DNAH6: variants seen among roughly 807,000 people sequenced by gnomAD.
The protein encoded by DNAH6 is dynein axonemal heavy chain 6.
Under a neutral mutation model 491.4 loss-of-function variants are expected in DNAH6, and 340 were observed. That is an observed-to-expected ratio of 0.69 (90% CI 0.63 to 0.76). The LOEUF (loss-of-function observed/expected upper bound fraction) is 0.76, where lower values mean the gene tolerates loss of function less well. DNAH6 is among the 30% of genes least tolerant of loss of function. The probability of loss-of-function intolerance (pLI) is 0.00; values close to 1 mark genes in which losing one functional copy is unlikely to be tolerated. For synonymous variants in DNAH6, 1,603 were observed against 1,686.1 expected (o/e 0.95, Z 1.21); for missense variants, 4,443 against 4,972.2 (o/e 0.89, Z 3.20).
intron 10 of DNAH6, among the ~76,000 whole-genome samples, chr2:84,557,313 A>G (rs1390953919): frequency 6.6e-6 from 1 of 152,194 alleles, no homozygotes; most frequent in African/African-American, 2.4e-5. Context: ...GCCTGGTTGA[A>G]TCAGTTATTC....
At chr2:84,556,416 C>T (rs1008870303) in intron 10 of DNAH6, among the ~76,000 whole-genome samples, 1 of 152,212 alleles carries the variant, frequency 6.6e-6, no homozygotes, top group Non-Finnish European at 1.5e-5. Context: ...GACTCACCTG[C>T]CTGCCCCCTT....
chr2:84,774,442 T>C (rs529826503), intron 64 of DNAH6, among the ~76,000 whole-genome samples: 1 of 152,260 alleles, frequency 6.6e-6, no homozygotes, highest in East Asian at 1.9e-4. Context: ...TTTGTACCAG[T>C]ACCATGCTGC....
chr2:84,748,118 C>T (rs947879792), intron 63 of DNAH6, among the ~76,000 whole-genome samples: 1 of 152,120 alleles, frequency 6.6e-6, no homozygotes, highest in African/African-American at 2.4e-5. Context: ...CTTTTTTCCC[C>T]CTGCCTTGAA....
rs537125371 is a variant in DNAH6, at chr2:84,740,841, G to T, written c.10343-4239G>T. ...CACTCCAGTCTTGTGATGGGAGAGA[G>T]CGTAATTCCACCACCTACTACTGGG... On this transcript the variant is annotated intron_variant, in intron 62 of 76. Transcript: ENST00000389394. Among the ~76,000 whole-genome samples, 10 of 152,274 alleles carry T rather than the reference G, an allele frequency of 6.6e-5. 1 individual carries two copies. In the South Asian group the frequency reaches 2.1e-3, roughly 32 times the overall value.
the DNAH6 span, among the ~76,000 whole-genome samples, chr2:84,493,272 T>G: frequency 6.6e-6 from 1 of 152,280 alleles, no homozygotes; most frequent in South Asian, 2.1e-4. Flanking sequence ...ATACCATATG[T>G]ATATTTTTAA....
At chr2:84,812,087 A>G (rs529669455) in intron 72 of DNAH6, among the ~76,000 whole-genome samples, 1 of 152,248 alleles carries the variant, frequency 6.6e-6, no homozygotes, top group South Asian at 2.1e-4. Context: ...TTCAGGAGAC[A>G]TTTCTGCTTC....
intron 61 of DNAH6, among the ~76,000 whole-genome samples, chr2:84,732,579 A>G (rs2104981771): frequency 6.6e-6 from 1 of 152,340 alleles, no homozygotes; most frequent in Non-Finnish European, 1.5e-5. Flanking sequence ...TAATGGGCAA[A>G]TATATAGAGA....
the DNAH6 span, among the ~76,000 whole-genome samples, chr2:84,473,543 C>A: frequency 2.7e-3 from 404 of 152,276 alleles, 8 homozygotes; most frequent in Admixed American, 0.021. Flanking sequence ...GAAGTTCCTC[C>A]AATGCTTCTT....
At chr2:84,502,330 A>C in the DNAH6 span, among the ~76,000 whole-genome samples, 1 of 152,140 alleles carries the variant, frequency 6.6e-6, no homozygotes, top group African/African-American at 2.4e-5. Flanking sequence ...TATAGGTCCA[A>C]AATTCCTCCT....
chr2:84,480,728 C>G, the DNAH6 span, among the ~76,000 whole-genome samples: 5 of 152,250 alleles, frequency 3.3e-5, no homozygotes, highest in South Asian at 1.0e-3. Context: ...TTTGGGAGGC[C>G]AAGGCGGGTG....
At chr2:84,623,817 G>T (rs954816278) in intron 26 of DNAH6, among the ~76,000 whole-genome samples, 3 of 152,184 alleles carry the variant, frequency 2.0e-5, no homozygotes, top group African/African-American at 7.2e-5. Flanking sequence ...TCATTGGCTA[G>T]CTTAAAATGC....
chr2:84,632,574 G>A (rs1240934085), intron 29 of DNAH6, among the ~76,000 whole-genome samples: 9 of 152,130 alleles, frequency 5.9e-5, no homozygotes, highest in Admixed American at 1.3e-4. Context: ...AAGTCTCCAC[G>A]TATGCCAGGA....
At chr2:84,707,828 T>A (rs955394427) in intron 54 of DNAH6, 112 bp downstream of exon 54, 1 of 759,344 alleles carries the variant, frequency 1.3e-6, no homozygotes, top group African/African-American at 1.8e-5. Flanking sequence ...AGGTTCTTCA[T>A]GGTGGAATTT....
intron 63 of DNAH6, among the ~76,000 whole-genome samples, chr2:84,756,045 C>G (rs768692684): frequency 7.9e-5 from 12 of 152,194 alleles, no homozygotes; most frequent in Non-Finnish European, 1.3e-4. Flanking sequence ...TCCCCAGCCA[C>G]GTGGAATTGT....
At chr2:84,607,312 T>C (rs1398765298) in intron 21 of DNAH6, among the ~76,000 whole-genome samples, 1 of 152,186 alleles carries the variant, frequency 6.6e-6, no homozygotes, top group Non-Finnish European at 1.5e-5. Context: ...CACCCTTGCA[T>C]AGGTATACTT....
the DNAH6 span, among the ~76,000 whole-genome samples, chr2:84,488,672 C>T: frequency 2.0e-5 from 3 of 152,202 alleles, no homozygotes; most frequent in East Asian, 3.9e-4. Flanking sequence ...ACATTGGGCC[C>T]GCCTGAATAA....
chr2:84,604,622 G>A (rs1685577320), intron 19 of DNAH6, 71 bp downstream of exon 19: 1 of 1,209,446 alleles, frequency 8.3e-7, no homozygotes, highest in Non-Finnish European at 1.2e-6. Flanking sequence ...AACATTTGGT[G>A]ATCTGGATGT....
Position 84,797,555 on chromosome 2 carries a change from T to C in DNAH6, c.11378T>C (p.Met3793Thr), listed in dbSNP as rs752271247. Residue 3793 changes from methionine (M) to threonine (T), a missense_variant, in exon 70 of 77, where the codon ATG (methionine) becomes ACG (threonine). Physicochemically the swap from Met to Thr is moderately conservative, Grantham distance 81 (BLOSUM62 -1). Transcript: ENST00000389394. ...ATAACAGGCATCTATTTTGCACCCA[T>C]GGCTGACAGCCTACAAGAGTTTAAG... ...YSESGIYFAP[M>T]ADSLQEFKDY... 75 of 1,551,768 alleles carry C rather than the reference T, an allele frequency of 4.8e-5. No individual in the cohort carries two copies. The highest frequency in any genetic ancestry group is 1.7e-4 in the Middle Eastern group (1 of 6,016).
intron 70 of DNAH6, among the ~76,000 whole-genome samples, chr2:84,802,392 A>T (rs1240960723): frequency 1.3e-5 from 2 of 152,232 alleles, no homozygotes; most frequent in Admixed American, 1.3e-4. Context: ...AATAAAAAAG[A>T]GCAGAGGATG....
Sources: allele counts gnomAD v4.1 joint callset (sites outside exome capture counted in the v4.1 genomes callset), GRCh38; gene constraint gnomAD v4.1.1; transcripts MANE v1.5; gene names NCBI Gene and HGNC (gene_info 2026-07-23, HGNC 2026-07-21).